IL1RL2: variants seen among roughly 807,000 people sequenced by gnomAD.
IL1RL2 encodes interleukin 1 receptor like 2, also known as interleukin-1 receptor-like 2.
IL1RL2 carries 68 observed loss-of-function variants against 66.8 expected under a neutral mutation model. That is an observed-to-expected ratio of 1.02 (90% CI 0.84 to 1.25). IL1RL2 has a LOEUF of 1.25. IL1RL2 is among the 50% of genes most tolerant of loss of function. The pLI is 0.00. For missense variants in IL1RL2, 729 were observed against 709.3 expected, an observed-to-expected ratio of 1.03 and a Z score of -0.32; for synonymous variants, 305 against 264.6, an observed-to-expected ratio of 1.15 and a Z score of -1.48.
intron 11 of IL1RL2, among the ~76,000 whole-genome samples, chr2:102,236,700 G>C (rs1437036378): frequency 6.6e-6 from 1 of 152,134 alleles, no homozygotes; most frequent in African/African-American, 2.4e-5. Context: ...CTCTCAAGCT[G>C]AAATTCTGTG....
chr2:102,214,086 C>T (rs914992790), intron 6 of IL1RL2, among the ~76,000 whole-genome samples: 3 of 152,144 alleles, frequency 2.0e-5, no homozygotes, highest in Admixed American at 1.3e-4. Context: ...ATTGTCTACA[C>T]ATTACTCATT....
At chr2:102,210,641 A>G (rs1689091682) in intron 5 of IL1RL2, among the ~76,000 whole-genome samples, 1 of 152,250 alleles carries the variant, frequency 6.6e-6, no homozygotes, top group African/African-American at 2.4e-5. Context: ...GAAATATGGC[A>G]AGGTCAAAAA....
At position 102,239,431 on chromosome 2, in the gene IL1RL2, C is replaced by G. The variant is rs967649408; in HGVS notation, c.*190C>G. The G allele has an allele frequency of 1.5e-4, 85 of 570,102 alleles. No individual in the cohort carries two copies. Among genetic ancestry groups the G allele is most frequent in the Non-Finnish European group, 2.5e-4 (76 of 308,514 alleles). The allele number at this position is 570,102 out of a possible 1,614,324, so 35.3% of individuals were successfully genotyped here. ...ATCCCCATGTCATGGTGGGTGAGAG[C>G]TGGGGCCATCCCCGTGGTCATGGAG... On this transcript the variant is annotated 3_prime_UTR_variant, in exon 12 of 12. Transcript: ENST00000264257.
At chr2:102,196,824 A>G (rs997794541) in intron 4 of IL1RL2, among the ~76,000 whole-genome samples, 4 of 152,196 alleles carry the variant, frequency 2.6e-5, no homozygotes, top group African/African-American at 7.2e-5. Context: ...ACATGTAGAA[A>G]GATGGTGCTA....
chr2:102,217,780 C>T (rs1689740362), intron 6 of IL1RL2, among the ~76,000 whole-genome samples: 1 of 152,092 alleles, frequency 6.6e-6, no homozygotes, highest in African/African-American at 2.4e-5. Flanking sequence ...CAAAACTCAA[C>T]TTGAAATGGA....
intron 2 of IL1RL2, among the ~76,000 whole-genome samples, chr2:102,188,394 C>G (rs540570014): frequency 1.1e-4 from 16 of 152,052 alleles, no homozygotes; most frequent in African/African-American, 3.4e-4. Flanking sequence ...ACCATCCTGG[C>G]TAACACGGTG....
intron 9 of IL1RL2, among the ~76,000 whole-genome samples, chr2:102,232,310 A>G (rs1051461963): frequency 1.3e-5 from 2 of 151,858 alleles, no homozygotes; most frequent in Non-Finnish European, 2.9e-5. Flanking sequence ...ACAGGGTTTC[A>G]CCATGTTGGC....
At chr2:102,199,458 TGG>T (rs1688050898) in intron 4 of IL1RL2, among the ~76,000 whole-genome samples, 1 of 152,234 alleles carries the variant, frequency 6.6e-6, no homozygotes, top group Non-Finnish European at 1.5e-5. Flanking sequence ...TTGTACATGC[TGG>T]GTCAGGAGTT....
Position 102,219,063 on chromosome 2 carries a change from C to A in IL1RL2, c.835C>A (p.Arg279=). ...LVDDYYDESK[R]IREGVETHVS... is the part of the protein sequence containing the mutation. ...GGATGATTACTATGATGAATCCAAA[C>A]GAATCAGAGAAGGGGTGGAGTAGGT... The change falls in exon 7 of 12, where the codon CGA becomes AGA. Residue 279 remains arginine, a synonymous_variant. Coordinates refer to ENST00000264257, the MANE Select transcript of IL1RL2 (RefSeq NM_003854.4). The A allele has an allele frequency of 6.2e-7, 1 of 1,613,788 alleles. No homozygotes were observed. The highest frequency in any genetic ancestry group is 8.5e-7 in the Non-Finnish European group (1 of 1,179,780).
intron 8 of IL1RL2, among the ~76,000 whole-genome samples, chr2:102,221,530 C>T (rs996702494): frequency 6.6e-6 from 1 of 152,156 alleles, no homozygotes; most frequent in Non-Finnish European, 1.5e-5. Context: ...GTTGTTCAGG[C>T]TCAAAATCTG....
Position 102,239,973 on chromosome 2 carries a change from T to A in IL1RL2, c.*732T>A, listed in dbSNP as rs1404607985. 1 of 152,260 alleles carries A rather than the reference T, an allele frequency of 6.6e-6. No homozygotes were observed. The highest frequency in any genetic ancestry group is 2.4e-5 in the African/African-American group (1 of 41,462). The allele number at this position is 152,260 out of a possible 1,614,324, so 9.4% of individuals were successfully genotyped here. On this transcript the variant is annotated 3_prime_UTR_variant, in exon 12 of 12. Transcript: ENST00000264257. ...TTAAAAATATCAGTAATTTGTGAAA[T>A]AAATTTTATTCTCATTTGAGCAACA... is the stretch of plus-strand genomic sequence containing the variant.
At chr2:102,200,116 GCAAAAA>G (rs1366458974) in intron 4 of IL1RL2, among the ~76,000 whole-genome samples, 17 of 52,884 alleles carry the variant, frequency 3.2e-4, no homozygotes, top group Non-Finnish European at 4.4e-4. Flanking sequence ...CCCTGTTCCA[GCAAAAA>G]AAAAAAAAAA....
chr2:102,235,785 C>T lies in IL1RL2; in HGVS notation c.1678+508C>T, dbSNP rs928766780. 200 of 985,260 alleles carry T rather than the reference C, an allele frequency of 2.0e-4. 1 individual carries two copies. The highest frequency in any genetic ancestry group is 2.3e-4 in the Non-Finnish European group (195 of 829,922). 61.0% of individuals were successfully genotyped at this position (985,260 alleles called of 1,614,324 possible). A position where few individuals can be genotyped will look rare whatever the true frequency, so the allele number is the denominator to read the frequency against. The stretch of plus-strand genomic sequence containing the variant: ...GCTCAGGGGTCATTTGCTGTGTCTG[C>T]GTCTCTCTCACTCTGTCAGTGCAGA... On this transcript the variant is annotated intron_variant, in intron 11 of 11. Coordinates refer to ENST00000264257, the MANE Select transcript of IL1RL2 (RefSeq NM_003854.4).
At chr2:102,188,360 G>A (rs1238008268) in intron 2 of IL1RL2, among the ~76,000 whole-genome samples, 1 of 152,064 alleles carries the variant, frequency 6.6e-6, no homozygotes, top group Non-Finnish European at 1.5e-5. Context: ...CAAGGCGGGC[G>A]GATCACGAGG....
At chr2:102,228,163 T>TCTC (rs36032250) in intron 9 of IL1RL2, among the ~76,000 whole-genome samples, 581 of 152,286 alleles carry the variant, frequency 3.8e-3, no homozygotes, top group African/African-American at 0.013. Context: ...GTGATGAAAT[T>TCTC]CTCTACAGCT....
At chr2:102,216,791 T>C (rs986943924) in intron 6 of IL1RL2, among the ~76,000 whole-genome samples, 1 of 152,188 alleles carries the variant, frequency 6.6e-6, no homozygotes, top group African/African-American at 2.4e-5. Flanking sequence ...AAGACTTTTA[T>C]GGTTATAATA....
chr2:102,225,491 G>T (rs1690519011), intron 8 of IL1RL2, among the ~76,000 whole-genome samples: 1 of 152,162 alleles, frequency 6.6e-6, no homozygotes, highest in Non-Finnish European at 1.5e-5. Context: ...ATCAAGAAAG[G>T]GCAGCAGAAC....
At position 102,192,078 on chromosome 2, in the gene IL1RL2, C is replaced by T; in HGVS notation, c.447C>T (p.His149=). The change falls in exon 4 of 12, where the codon CAC becomes CAT. Residue 149 remains histidine (H), a synonymous_variant. Transcript: ENST00000264257. ...ATGATAGTCTCACATGTCATCTGCA[C>T]TTCCCGAAGAGTTGTGTTTTGGGTC... is the stretch of plus-strand genomic sequence containing the variant. ...GKDDSLTCHL[H]FPKSCVLGPI... The T allele has an allele frequency of 1.2e-6, 2 of 1,603,840 alleles. No individual in the cohort carries two copies. Among genetic ancestry groups the T allele is most frequent in the Non-Finnish European group, 1.7e-6 (2 of 1,176,758 alleles).
intron 8 of IL1RL2, among the ~76,000 whole-genome samples, chr2:102,220,862 G>T (rs1690061999): frequency 6.6e-6 from 1 of 152,206 alleles, no homozygotes; most frequent in South Asian, 2.1e-4. Context: ...TTGCTGTATG[G>T]AGTTAGCAAT....
Sources: gnomAD v4.1 joint callset for allele counts (sites outside exome capture counted in the v4.1 genomes callset) on GRCh38, gnomAD v4.1.1 for gene constraint, MANE v1.5 for transcripts, NCBI Gene and HGNC (gene_info 2026-07-23, HGNC 2026-07-21) for gene names.